Variants in UQCRFS1 observed in about 807,000 individuals in gnomAD.
The protein encoded by UQCRFS1 is cytochrome b-c1 complex subunit Rieske, mitochondrial.
In UQCRFS1, 6 loss-of-function variants were observed where a neutral mutation model predicts 15.6. The observed-to-expected ratio is 0.38, with a 90% confidence interval of 0.21 to 0.76. The LOEUF (loss-of-function observed/expected upper bound fraction) is 0.76. Ranked by LOEUF, UQCRFS1 falls within the 30% of genes least tolerant of loss-of-function variation. UQCRFS1 has a pLI of 0.44. For synonymous variants in UQCRFS1, 105 were observed against 154.3 expected (o/e 0.68, Z 2.37); for missense variants, 203 against 366.7 (o/e 0.55, Z 3.65).
rs141535690 is a variant in UQCRFS1 at position 29,210,628 on chromosome 19, C to G, written c.214+2277G>C. ...ATGCAGTGTTTGTTTTTTGTCCTTG[C>G]GACAGTTTACTTAGAATGATGATTT... On this transcript the variant is annotated intron_variant, in intron 1 of 1. Coordinates refer to ENST00000304863, the MANE Select transcript of UQCRFS1 (RefSeq NM_006003.3). 7.8e-3 allele frequency among the ~76,000 whole-genome samples: 1,183 copies of G among 151,374 alleles called. 8 individuals are homozygous for G. The highest frequency in any genetic ancestry group is 0.02 in the Middle Eastern group (6 of 294).
chr19:29,211,546 G>A (rs1479961445), intron 1 of UQCRFS1, among the ~76,000 whole-genome samples: 1 of 152,160 alleles, frequency 6.6e-6, no homozygotes, highest in Admixed American at 6.5e-5. Context: ...GTGAAAGATA[G>A]AAAAATAAAG....
Position 29,212,928 on chromosome 19 carries a change from A to G in UQCRFS1, c.191T>C (p.Leu64Ser). 2 of 1,416,152 alleles carry G rather than the reference A, an allele frequency of 1.4e-6. No homozygotes were observed. The highest frequency in any genetic ancestry group is 3.0e-5 in the East Asian group (1 of 33,244). The allele number at this position is 1,416,152 out of a possible 1,614,324, so 87.7% of individuals were successfully genotyped here. The change falls in exon 1 of 2, where the codon TTG becomes TCG. Residue 64 changes from leucine to serine, a missense_variant. Coordinates refer to ENST00000304863, the MANE Select transcript of UQCRFS1 (RefSeq NM_006003.3). ...ACCATTGAGGCCCACGGAGGCGACC[A>G]AAGGCCGGCGCACGGCCTGGCCGCT... The part of the protein sequence containing the change: ...SLSGQAVRRP[L>S]VASVGLNVPA...
rs1242715132 is a variant in UQCRFS1 at position 29,207,524 on chromosome 19, G to C, written c.*24C>G. ...TGAGGTGACATAAAGACTGAAAGAA[G>C]CCTATGACTTGAGTCCAAGTCTCTT... On this transcript the variant is annotated 3_prime_UTR_variant, in exon 2 of 2. Coordinates refer to ENST00000304863, the MANE Select transcript of UQCRFS1 (RefSeq NM_006003.3). 6.4e-7 allele frequency: 1 copy of C among 1,565,774 alleles called. No individual in the cohort carries two copies. Among genetic ancestry groups the C allele is most frequent in the South Asian group, 1.2e-5 (1 of 82,840 alleles).
At chr19:29,212,021 G>A (rs1466009832) in intron 1 of UQCRFS1, among the ~76,000 whole-genome samples, 1 of 152,188 alleles carries the variant, frequency 6.6e-6, no homozygotes, top group Admixed American at 6.5e-5. Context: ...CATTTTAAGA[G>A]ATGCCATTAG....
At chr19:29,212,256 G>A (rs1976662182) in intron 1 of UQCRFS1, among the ~76,000 whole-genome samples, 1 of 152,170 alleles carries the variant, frequency 6.6e-6, no homozygotes, top group Admixed American at 6.5e-5. Flanking sequence ...CACGGATCCT[G>A]GTGCGAGTCA....
chr19:29,209,748 T>A (rs1013798966), intron 1 of UQCRFS1, among the ~76,000 whole-genome samples: 1 of 152,058 alleles, frequency 6.6e-6, no homozygotes. Context: ...AAGATGAGCT[T>A]CCTCCCTAAA....
chr19:29,208,513 C>T (rs1329666789), intron 1 of UQCRFS1, among the ~76,000 whole-genome samples: 1 of 152,086 alleles, frequency 6.6e-6, no homozygotes, highest in East Asian at 1.9e-4. Context: ...TCAAAGTTTC[C>T]GAAAATTCAA....
rs1976592339 is a variant in UQCRFS1, at chr19:29,206,143, C to G, written c.*1405G>C. 5.3e-5 allele frequency: 8 copies of G among 152,192 alleles called. No individual in the cohort carries two copies. The highest frequency in any genetic ancestry group is 5.2e-4 in the Admixed American group (8 of 15,282). The allele number at this position is 152,192 out of a possible 1,614,324, so 9.4% of individuals were successfully genotyped here. A position where few individuals can be genotyped will look rare whatever the true frequency, so the allele number is the denominator to read the frequency against. ...TCCAACTCTGCCACCAACCCTTCCTCCAACCCCCAATCCGAAGAGTGCCTC... is the reference window on the plus strand; with the variant it reads ...TCCAACTCTGCCACCAACCCTTCCTGCAACCCCCAATCCGAAGAGTGCCTC... On this transcript the variant is annotated 3_prime_UTR_variant, in exon 2 of 2. Coordinates refer to ENST00000304863, the MANE Select transcript of UQCRFS1 (RefSeq NM_006003.3).
rs1457274310 is a variant in UQCRFS1 at position 29,207,561 on chromosome 19, A to T, written c.812T>A (p.Val271Glu). The T allele has an allele frequency of 6.2e-7, 1 of 1,606,832 alleles. No homozygotes were observed. The highest frequency in any genetic ancestry group is 1.7e-5 in the Admixed American group (1 of 59,648). The stretch of plus-strand genomic sequence containing the variant: ...AGTCCAAGTCTCTTAACCAACAATC[A>T]CCATATCGTCACTGGTGAACTCATA... ...PTYEFTSDDM[V>E]IVG Residue 271 changes from valine to glutamate, a missense_variant, in exon 2 of 2, where the codon GTG becomes GAG. Physicochemically the swap from Val to Glu is moderately radical, Grantham distance 121. This residue lies in a region of UQCRFS1 where 91 missense variants were observed against 186.9 expected (regional missense o/e 0.49). Transcript: ENST00000304863.
At position 29,205,369 on chromosome 19, in the gene UQCRFS1, T is replaced by C. The variant is rs1277813639; in HGVS notation, c.*2179A>G. 1 of 152,212 alleles carries C rather than the reference T, an allele frequency of 6.6e-6. No individual in the cohort carries two copies. The highest frequency in any genetic ancestry group is 1.9e-4 in the East Asian group (1 of 5,200). 9.4% of individuals were successfully genotyped at this position (152,212 alleles called of 1,614,324 possible). ...TGAGAATGAAGAATTACTTCTGATA[T>C]TTAAATAGTATGTTCCTACAGTTTA... On this transcript the variant is annotated 3_prime_UTR_variant, in exon 2 of 2. Coordinates refer to ENST00000304863, the MANE Select transcript of UQCRFS1 (RefSeq NM_006003.3).
intron 1 of UQCRFS1, among the ~76,000 whole-genome samples, chr19:29,212,068 A>G (rs534335949): frequency 6.6e-5 from 10 of 152,316 alleles, no homozygotes; most frequent in African/African-American, 1.9e-4. Context: ...CAGCCTGCAG[A>G]CACACTGCCC....
At chr19:29,210,209 C>T (rs955585348) in intron 1 of UQCRFS1, among the ~76,000 whole-genome samples, 3 of 152,182 alleles carry the variant, frequency 2.0e-5, no homozygotes, top group African/African-American at 7.2e-5. Flanking sequence ...AACCCCTCCA[C>T]TCCCATAAGC....
In UQCRFS1 at chr19:29,212,976, G is replaced by T; in HGVS notation, c.143C>A (p.Pro48His). The change falls in exon 1 of 2, where the codon CCC becomes CAC. Residue 48 changes from proline (P) to histidine (H), a missense_variant. By Grantham distance (77) the Pro-to-His change is moderately conservative (BLOSUM62 -2). Coordinates refer to ENST00000304863, the MANE Select transcript of UQCRFS1 (RefSeq NM_006003.3). Reference sequence around the variant, plus strand: ...GCTCAGCGACTCCCGGCTGAGGAAGGGCCGCTTCAGGTCCAACACAGGCTG... The same window carrying T: ...GCTCAGCGACTCCCGGCTGAGGAAGTGCCGCTTCAGGTCCAACACAGGCTG... ...PEQPVLDLKR[P>H]FLSRESLSGQ... 7.1e-7 allele frequency: 1 copy of T among 1,401,000 alleles called. No individual in the cohort carries two copies. The allele number at this position is 1,401,000 out of a possible 1,614,324, so 86.8% of individuals were successfully genotyped here.
intron 1 of UQCRFS1, among the ~76,000 whole-genome samples, chr19:29,210,256 G>T (rs964236077): frequency 6.6e-6 from 1 of 152,060 alleles, no homozygotes; most frequent in Non-Finnish European, 1.5e-5. Flanking sequence ...ACTATAATGT[G>T]AACTTAAATT....
intron 1 of UQCRFS1, among the ~76,000 whole-genome samples, chr19:29,212,648 G>C (rs1197326661): frequency 6.6e-6 from 1 of 152,196 alleles, no homozygotes; most frequent in South Asian, 2.1e-4. Context: ...AAACCCCTCA[G>C]AGGTGGCTGG....
intron 1 of UQCRFS1, among the ~76,000 whole-genome samples, chr19:29,209,578 T>A (rs986988886): frequency 3.3e-5 from 5 of 152,182 alleles, no homozygotes; most frequent in South Asian, 2.1e-4. Flanking sequence ...AGGACACAGA[T>A]AATGGCAACT....
chr19:29,207,756 T>G lies in UQCRFS1; in HGVS notation c.617A>C (p.Lys206Thr). 1 of 1,614,016 alleles carries G rather than the reference T, an allele frequency of 6.2e-7. No individual in the cohort carries two copies. The highest frequency in any genetic ancestry group is 8.5e-7 in the Non-Finnish European group (1 of 1,179,872). ...TATCAGGATAACCCATTCAGGTTTC[T>G]TTACTCGATCTAGATCATGCTGTGG... ...RDPQHDLDRV[K>T]KPEWVILIGV... The change falls in exon 2 of 2, where the codon AAG (lysine) becomes ACG (threonine). Residue 206 changes from lysine (K) to threonine (T), a missense_variant. Physicochemically the swap from Lys to Thr is moderately conservative, Grantham distance 78 (BLOSUM62 -1). Transcript: ENST00000304863.
At chr19:29,208,847 C>T (rs1976617428) in intron 1 of UQCRFS1, among the ~76,000 whole-genome samples, 4 of 152,042 alleles carry the variant, frequency 2.6e-5, no homozygotes, top group Admixed American at 6.6e-5. Flanking sequence ...TATCAGAGCT[C>T]TCAAAATAAA....
chr19:29,207,923 C>T lies in UQCRFS1; in HGVS notation c.450G>A (p.Ala150=), dbSNP rs550407562. 2.2e-5 allele frequency: 35 copies of T among 1,613,950 alleles called. No homozygotes were observed. In the Admixed American group the frequency reaches 2.7e-4, roughly 12 times the overall value. The change falls in exon 2 of 2, where the codon GCG becomes GCA. Residue 150 remains alanine, a synonymous_variant. Transcript: ENST00000304863. ...MSASADVLAL[A]KIEIKLSDIP... is the part of the protein sequence containing the mutation. ...TATCGGATAACTTGATTTCGATTTT[C>T]GCCAGGGCCAACACATCAGCAGAAG...
Sources: gnomAD v4.1 joint callset for allele counts (sites outside exome capture counted in the v4.1 genomes callset) on GRCh38, gnomAD v4.1.1 for gene constraint, gnomAD v4.1.1 regional missense constraint, MANE v1.5 for transcripts, NCBI Gene and HGNC (gene_info 2026-07-23, HGNC 2026-07-21) for gene names.